Variants in APP observed in about 807,000 individuals in gnomAD.
APP encodes the protein amyloid beta precursor protein, also known as amyloid-beta precursor protein.
Under a neutral mutation model 101.4 loss-of-function variants are expected in APP, and 31 were observed. That is an observed-to-expected ratio of 0.31 (90% CI 0.23 to 0.41). The LOEUF (loss-of-function observed/expected upper bound fraction) is 0.41. Ranked by LOEUF, APP falls within the 10% of genes least tolerant of loss-of-function variation. The pLI, the probability that APP is intolerant of heterozygous loss-of-function variation, is 1.00. For synonymous variants in APP, 366 were observed against 364.4 expected, an observed-to-expected ratio of 1.00 and a Z score of -0.05; for missense variants, 839 against 1,003.7, an observed-to-expected ratio of 0.84 and a Z score of 2.22.
At chr21:26,091,502 C>A (rs971152168) in intron 2 of APP, among the ~76,000 whole-genome samples, 1 of 152,154 alleles carries the variant, frequency 6.6e-6, no homozygotes, top group Non-Finnish European at 1.5e-5. Flanking sequence ...GAATCATGAA[C>A]TGACAAATTG....
intron 2 of APP, among the ~76,000 whole-genome samples, chr21:26,105,098 A>C (rs562548756): frequency 1.6e-4 from 24 of 150,116 alleles, no homozygotes; most frequent in African/African-American, 5.4e-4. Context: ...AAGAAGAAGA[A>C]TTTGCCCAAT....
chr21:25,941,004 G>A (rs538134413), intron 13 of APP, among the ~76,000 whole-genome samples: 1 of 152,236 alleles, frequency 6.6e-6, no homozygotes, highest in South Asian at 2.1e-4. Context: ...AATATTCCCT[G>A]GGCATGGTAT....
At position 25,961,416 on chromosome 21, in the gene APP, C is replaced by T. The variant is rs2041572920; in HGVS notation, c.1459-5661G>A. Among the ~76,000 whole-genome samples the T allele has an allele frequency of 2.0e-5, 3 of 152,148 alleles. No individual in the cohort carries two copies. In the South Asian group the frequency reaches 6.2e-4, roughly 32 times the overall value. On this transcript the variant is annotated intron_variant, in intron 11 of 17. Coordinates refer to ENST00000346798, the MANE Select transcript of APP (RefSeq NM_000484.4). ...AATAAACTTTCTAAATTAACTGAGA[C>T]CTGTCTCAGATTTGCTGGGTTCACA...
chr21:26,056,822 A>G (rs1432490984), intron 3 of APP, among the ~76,000 whole-genome samples: 5 of 152,238 alleles, frequency 3.3e-5, no homozygotes, highest in Admixed American at 6.5e-5. Context: ...ACATTAAAAT[A>G]AAATTTAGCA....
intron 5 of APP, among the ~76,000 whole-genome samples, chr21:26,029,171 T>C (rs1357502710): frequency 6.6e-6 from 1 of 152,078 alleles, no homozygotes; most frequent in Non-Finnish European, 1.5e-5. Context: ...CAGACAGGCA[T>C]AGTGTTACCC....
intron 3 of APP, among the ~76,000 whole-genome samples, chr21:26,055,492 A>G (rs1405763029): frequency 6.6e-6 from 1 of 152,194 alleles, no homozygotes. Flanking sequence ...CTCATCCAAA[A>G]CAAATACACC....
chr21:26,141,313 A>C (rs1463353966), intron 1 of APP, among the ~76,000 whole-genome samples: 1 of 152,222 alleles, frequency 6.6e-6, no homozygotes. Flanking sequence ...AAACACCCTG[A>C]TGATGTATTT....
intron 13 of APP, among the ~76,000 whole-genome samples, chr21:25,938,526 T>A (rs1191282294): frequency 1.3e-5 from 2 of 152,212 alleles, no homozygotes; most frequent in Admixed American, 6.5e-5. Flanking sequence ...CATATAAGCA[T>A]GAGTTTTAAA....
At chr21:26,100,835 G>C (rs942304507) in intron 2 of APP, among the ~76,000 whole-genome samples, 1 of 152,154 alleles carries the variant, frequency 6.6e-6, no homozygotes, top group Non-Finnish European at 1.5e-5. Flanking sequence ...AGGAAAAAGA[G>C]AAAATACCCA....
chr21:26,155,422 C>T (rs1235800930), intron 1 of APP, among the ~76,000 whole-genome samples: 1 of 152,074 alleles, frequency 6.6e-6, no homozygotes, highest in Non-Finnish European at 1.5e-5. Flanking sequence ...ATTAATTTCG[C>T]CTGCTTATTT....
At chr21:26,110,454 A>C (rs1007061006) in intron 2 of APP, among the ~76,000 whole-genome samples, 4 of 152,140 alleles carry the variant, frequency 2.6e-5, no homozygotes, top group Non-Finnish European at 5.9e-5. Flanking sequence ...TCAAAAAAAA[A>C]CAAAACAAAA....
intron 2 of APP, among the ~76,000 whole-genome samples, chr21:26,101,691 T>C (rs79745532): frequency 0.025 from 3,829 of 152,238 alleles, 118 homozygotes; most frequent in East Asian, 0.13. Context: ...TTTGAATTCC[T>C]TCTCTCCCCA....
At chr21:26,075,558 T>G (rs1468766278) in intron 3 of APP, among the ~76,000 whole-genome samples, 1 of 152,220 alleles carries the variant, frequency 6.6e-6, no homozygotes, top group Non-Finnish European at 1.5e-5. Context: ...TTGTATCATC[T>G]ATTAAAAGAG....
Position 25,911,731 on chromosome 21 carries a change from G to A in APP, c.1909+10C>T, listed in dbSNP as rs779041605. Reference sequence around the variant, plus strand: ...CCCAGAACGCCCTTGCTGGCTCAGGGGACTCTTACCTTCGTTTTCTGTGTT... The same window carrying A: ...CCCAGAACGCCCTTGCTGGCTCAGGAGACTCTTACCTTCGTTTTCTGTGTT... On this transcript the variant is annotated intron_variant, in intron 14 of 17. Coordinates refer to ENST00000346798, the MANE Select transcript of APP (RefSeq NM_000484.4). 5.0e-6 allele frequency: 8 copies of A among 1,613,474 alleles called. No homozygotes were observed. Among genetic ancestry groups the A allele is most frequent in the Non-Finnish European group, 5.9e-6 (7 of 1,179,626 alleles).
At chr21:25,924,873 T>A (rs1287464033) in intron 13 of APP, among the ~76,000 whole-genome samples, 1 of 152,150 alleles carries the variant, frequency 6.6e-6, no homozygotes, top group Non-Finnish European at 1.5e-5. Flanking sequence ...GAACCTCCAC[T>A]GCTATTACTA....
chr21:26,136,443 CT>C (rs2062920175), intron 1 of APP, among the ~76,000 whole-genome samples: 2 of 152,122 alleles, frequency 1.3e-5, no homozygotes, highest in Admixed American at 1.3e-4. Context: ...TATGTACAGG[CT>C]TTTTTAGGTC....
intron 11 of APP, among the ~76,000 whole-genome samples, chr21:25,970,754 C>T (rs1008246264): frequency 1.3e-5 from 2 of 152,128 alleles, no homozygotes; most frequent in Admixed American, 6.6e-5. Flanking sequence ...CTGAACCAGC[C>T]GCTCCATCTC....
intron 6 of APP, among the ~76,000 whole-genome samples, chr21:26,008,616 T>C (rs1488625649): frequency 6.6e-6 from 1 of 152,214 alleles, no homozygotes; most frequent in Non-Finnish European, 1.5e-5. Flanking sequence ...GGCTATGGCT[T>C]ACAAAATTCC....
At chr21:25,930,211 G>T (rs1186258703) in intron 13 of APP, among the ~76,000 whole-genome samples, 62 of 152,094 alleles carry the variant, frequency 4.1e-4, no homozygotes, top group Admixed American at 4.1e-3. Context: ...AGTGAGTCGT[G>T]TCCCTAAAGC....
Sources: allele counts gnomAD v4.1 joint callset (sites outside exome capture counted in the v4.1 genomes callset), GRCh38; gene constraint gnomAD v4.1.1; transcripts MANE v1.5; gene names NCBI Gene and HGNC (gene_info 2026-07-23, HGNC 2026-07-21).